The following PHKB variants were observed in gnomAD, a reference collection of about 807,000 sequenced individuals.
The protein encoded by PHKB is phosphorylase b kinase regulatory subunit beta.
Under a neutral mutation model 152.1 loss-of-function variants are expected in PHKB, and 122 were observed. The observed-to-expected ratio is 0.80, with a 90% CI of 0.69 to 0.93. PHKB has a LOEUF of 0.93. Ranked by LOEUF, PHKB falls within the 40% of genes least tolerant of loss-of-function variation. The pLI is 0.00. For missense variants in PHKB, 1,304 were observed against 1,328.4 expected (o/e 0.98, Z 0.29); for synonymous variants, 436 against 464.9 (o/e 0.94, Z 0.80).
intron 7 of PHKB, chr16:47,566,326 C>G: frequency 1.5e-6 from 2 of 1,291,254 alleles, no homozygotes; most frequent in Non-Finnish European, 2.2e-6. Context: ...TTGTCATAAT[C>G]CCCATTTCTA....
chr16:47,483,500 G>GT (rs1970001281), intron 1 of PHKB, among the ~76,000 whole-genome samples: 1 of 152,156 alleles, frequency 6.6e-6, no homozygotes, highest in Non-Finnish European at 1.5e-5. Flanking sequence ...TAATGACCCT[G>GT]AGTTTCTCTT....
intron 7 of PHKB, among the ~76,000 whole-genome samples, chr16:47,559,781 G>T (rs1971445290): frequency 6.6e-6 from 1 of 152,186 alleles, no homozygotes; most frequent in African/African-American, 2.4e-5. Context: ...AGTCACTAAG[G>T]CCAGCCCATA....
At chr16:47,542,076 C>G (rs1008494404) in intron 6 of PHKB, among the ~76,000 whole-genome samples, 2 of 152,136 alleles carry the variant, frequency 1.3e-5, no homozygotes, top group African/African-American at 4.8e-5. Flanking sequence ...TTGCCCATGC[C>G]TATGTCCTGA....
intron 6 of PHKB, among the ~76,000 whole-genome samples, chr16:47,516,569 T>C (rs1432016271): frequency 6.6e-6 from 1 of 152,188 alleles, no homozygotes; most frequent in Non-Finnish European, 1.5e-5. Flanking sequence ...ATATGTTTGT[T>C]ACTATTCCTC....
In PHKB at chr16:47,650,792, G is replaced by C. The variant is rs755099482; in HGVS notation, c.1881-39G>C. 9 of 1,460,372 alleles carry C rather than the reference G, an allele frequency of 6.2e-6. No homozygotes were observed. In the Admixed American group the frequency reaches 1.3e-4, roughly 22 times the overall value. The allele number at this position is 1,460,372 out of a possible 1,614,324, so 90.5% of individuals were successfully genotyped here. Reference sequence around the variant, plus strand: ...TATTAGATTATTAATTTACCATTCTGTTGTTAATCTGTACATTTTGTTTAT... The same window carrying C: ...TATTAGATTATTAATTTACCATTCTCTTGTTAATCTGTACATTTTGTTTAT... On this transcript the variant is annotated intron_variant, in intron 19 of 30. Transcript: ENST00000323584.
At chr16:47,487,254 G>A (rs1209355026) in intron 1 of PHKB, among the ~76,000 whole-genome samples, 1 of 152,110 alleles carries the variant, frequency 6.6e-6, no homozygotes, top group Admixed American at 6.6e-5. Context: ...CAGGCAATGA[G>A]GATTTTTGCA....
At chr16:47,690,478 A>G (rs78032502) in intron 27 of PHKB, among the ~76,000 whole-genome samples, 16,539 of 152,196 alleles carry the variant, frequency 0.11, 1,225 homozygotes, top group Non-Finnish European at 0.14. Context: ...TAACTGAGAA[A>G]CTGGAACAAA....
At chr16:47,586,131 G>A (rs1357996357) in intron 8 of PHKB, among the ~76,000 whole-genome samples, 1 of 152,188 alleles carries the variant, frequency 6.6e-6, no homozygotes, top group Non-Finnish European at 1.5e-5. Context: ...CTGGGGACTT[G>A]TTTTATAATT....
At chr16:47,531,197 G>A (rs974495140) in intron 6 of PHKB, among the ~76,000 whole-genome samples, 1 of 152,098 alleles carries the variant, frequency 6.6e-6, no homozygotes, top group African/African-American at 2.4e-5. Context: ...TGAAAGTGTA[G>A]GCTTTCCAGA....
intron 4 of PHKB, among the ~76,000 whole-genome samples, chr16:47,510,826 C>G (rs1970498121): frequency 6.6e-6 from 1 of 152,226 alleles, no homozygotes; most frequent in East Asian, 1.9e-4. Flanking sequence ...TCACTTATTT[C>G]TCTTATTTCT....
At chr16:47,549,911 A>G (rs376196040) in intron 7 of PHKB, among the ~76,000 whole-genome samples, 1 of 151,778 alleles carries the variant, frequency 6.6e-6, no homozygotes, top group Non-Finnish European at 1.5e-5. Flanking sequence ...TTTTTTTGCC[A>G]TCGTTTGCAT....
chr16:47,503,085 G>T lies in PHKB; in HGVS notation c.400G>T (p.Asp134Tyr). The T allele has an allele frequency of 2.5e-6, 4 of 1,591,442 alleles. No homozygotes were observed. Among genetic ancestry groups the T allele is most frequent in the Non-Finnish European group, 3.5e-6 (4 of 1,159,316 alleles). The change falls in exon 4 of 31, where the codon GAT becomes TAT. Residue 134 changes from aspartate to tyrosine, a missense_variant. Coordinates refer to ENST00000323584, the MANE Select transcript of PHKB (RefSeq NM_000293.3). ...GILYCYMRQADKVQQFKQDPR... is the reference protein window; with the variant it reads ...GILYCYMRQAYKVQQFKQDPR... ...TCTCTACTGCTATATGCGTCAGGCC[G>T]ATAAGGTAAAACATTGTGGTGTGGA... is the stretch of plus-strand genomic sequence containing the variant.
intron 28 of PHKB, 50 bp downstream of exon 28, chr16:47,693,557 G>A: frequency 6.3e-7 from 1 of 1,592,928 alleles, no homozygotes; most frequent in Non-Finnish European, 8.6e-7. Flanking sequence ...GCAAAGGGTA[G>A]TGAATCCTTT....
At chr16:47,635,788 C>G (rs1972908948) in intron 14 of PHKB, among the ~76,000 whole-genome samples, 1 of 152,222 alleles carries the variant, frequency 6.6e-6, no homozygotes, top group Non-Finnish European at 1.5e-5. Flanking sequence ...TCCGCTAGGT[C>G]TGTGTCCTTG....
intron 14 of PHKB, among the ~76,000 whole-genome samples, chr16:47,618,119 C>A (rs946623426): frequency 4.9e-4 from 75 of 152,236 alleles, no homozygotes; most frequent in African/African-American, 1.7e-3. Flanking sequence ...ATACCTGCTG[C>A]AGCACTTTGG....
At chr16:47,667,131 A>G (rs1341739622) in intron 25 of PHKB, among the ~76,000 whole-genome samples, 1 of 152,106 alleles carries the variant, frequency 6.6e-6, no homozygotes, top group African/African-American at 2.4e-5. Context: ...TAATTGTACT[A>G]ATAAAAGATA....
At chr16:47,507,694 A>G (rs898398548) in intron 4 of PHKB, among the ~76,000 whole-genome samples, 8 of 152,090 alleles carry the variant, frequency 5.3e-5, no homozygotes, top group Admixed American at 5.2e-4. Flanking sequence ...ATTACAAGGG[A>G]TTATTATTTC....
chr16:47,589,590 A>C (rs910341727), intron 10 of PHKB, among the ~76,000 whole-genome samples: 2 of 152,132 alleles, frequency 1.3e-5, no homozygotes, highest in South Asian at 4.1e-4. Flanking sequence ...TCATTTAGAC[A>C]CTTTCTTTTA....
chr16:47,678,423 C>T lies in PHKB; in HGVS notation c.2630+9006C>T, dbSNP rs1973778145. The stretch of plus-strand genomic sequence containing the variant: ...TGTTCCTCTTTCTCCACATCCTCTC[C>T]AGCACCTGTTGTTTCCTGACTTTTT... On this transcript the variant is annotated intron_variant, in intron 26 of 30. Transcript: ENST00000323584. 3.3e-5 allele frequency among the ~76,000 whole-genome samples: 5 copies of T among 152,166 alleles called. No homozygotes were observed. In the South Asian group the frequency reaches 1.0e-3, roughly 32 times the overall value.
Sources: gnomAD v4.1 joint callset for allele counts (sites outside exome capture counted in the v4.1 genomes callset) on GRCh38, gnomAD v4.1.1 for gene constraint, MANE v1.5 for transcripts, NCBI Gene and HGNC (gene_info 2026-07-23, HGNC 2026-07-21) for gene names.